Variants in PLXNA2 observed in about 807,000 individuals in gnomAD.
PLXNA2 encodes plexin A2, also known as plexin-A2.
PLXNA2 carries 91 observed loss-of-function variants against 193.5 expected under a neutral mutation model. That is an observed-to-expected ratio of 0.47 (90% CI 0.40 to 0.56). PLXNA2 has a LOEUF of 0.56. Among genes scored for constraint, PLXNA2 ranks in the 20% least tolerant of loss-of-function variants. The probability of loss-of-function intolerance (pLI) is 0.00; values close to 1 mark genes in which losing one functional copy is unlikely to be tolerated. For missense variants in PLXNA2, 1,995 were observed against 2,503.2 expected, an observed-to-expected ratio of 0.80 and a Z score of 4.33; for synonymous variants, 997 against 1,027.3, an observed-to-expected ratio of 0.97 and a Z score of 0.56.
intron 2 of PLXNA2, among the ~76,000 whole-genome samples, chr1:208,211,981 G>T (rs1490072060): frequency 6.6e-6 from 1 of 152,326 alleles, no homozygotes; most frequent in African/African-American, 2.4e-5. Context: ...TGAGTGCTCT[G>T]ACATGGCCCA....
At chr1:208,152,866 A>T (rs1048652226) in intron 3 of PLXNA2, among the ~76,000 whole-genome samples, 4 of 139,556 alleles carry the variant, frequency 2.9e-5, no homozygotes, top group Non-Finnish European at 6.1e-5. Flanking sequence ...AATTTATTCT[A>T]CCTCCTAGAT....
intron 4 of PLXNA2, among the ~76,000 whole-genome samples, chr1:208,106,739 C>T (rs1667282272): frequency 6.6e-6 from 1 of 152,096 alleles, no homozygotes; most frequent in Admixed American, 6.5e-5. Context: ...GTTCTTCTTC[C>T]TTTTTGAAAT....
intron 26 of PLXNA2, among the ~76,000 whole-genome samples, chr1:208,037,645 A>T (rs1213041827): frequency 6.6e-6 from 1 of 151,328 alleles, no homozygotes; most frequent in African/African-American, 2.4e-5. Flanking sequence ...TCTTACAGAG[A>T]CCCCCAGCTG....
intron 22 of PLXNA2, among the ~76,000 whole-genome samples, chr1:208,041,756 T>C (rs1281961097): frequency 6.6e-6 from 1 of 152,216 alleles, no homozygotes; most frequent in East Asian, 1.9e-4. Flanking sequence ...ATAGGAATTA[T>C]TTTTCTCATT....
intron 12 of PLXNA2, among the ~76,000 whole-genome samples, chr1:208,070,204 C>T (rs1361135172): frequency 6.6e-6 from 1 of 152,242 alleles, no homozygotes; most frequent in African/African-American, 2.4e-5. Context: ...CTGCAGCAGG[C>T]TTAAGATGTA....
chr1:208,077,111 C>T (rs1666174510), intron 12 of PLXNA2, among the ~76,000 whole-genome samples: 1 of 152,042 alleles, frequency 6.6e-6, no homozygotes, highest in South Asian at 2.1e-4. Flanking sequence ...ATCATGAATA[C>T]AACATTCCAG....
intron 5 of PLXNA2, among the ~76,000 whole-genome samples, chr1:208,102,789 G>A (rs1266585572): frequency 1.3e-5 from 2 of 152,184 alleles, no homozygotes; most frequent in African/African-American, 4.8e-5. Context: ...CACACTCTTG[G>A]CACAGAGGGG....
At chr1:208,165,047 C>G (rs757041929) in intron 3 of PLXNA2, among the ~76,000 whole-genome samples, 1 of 152,140 alleles carries the variant, frequency 6.6e-6, no homozygotes, top group Non-Finnish European at 1.5e-5. Flanking sequence ...TTGAATTTGC[C>G]GCAATGATTG....
chr1:208,168,129 G>T (rs980241701), intron 3 of PLXNA2, among the ~76,000 whole-genome samples: 26 of 152,174 alleles, frequency 1.7e-4, no homozygotes, highest in African/African-American at 5.8e-4. Context: ...TACTTATGTG[G>T]AAAGTAGGGA....
Position 208,204,361 on chromosome 1 carries a change from C to G in PLXNA2, c.1371+5919G>C, listed in dbSNP as rs568058807. Among the ~76,000 whole-genome samples, 89 of 152,326 alleles carry G rather than the reference C, an allele frequency of 5.8e-4. 1 individual carries two copies. The highest frequency in any genetic ancestry group is 1.1e-3 in the Non-Finnish European group (78 of 68,028). ...GCTGTCTGTACTATTCTGGGGCCCT[C>G]CAGGCAACAGTGTAAATGCTGTCCC... On this transcript the variant is annotated intron_variant, in intron 3 of 31. Coordinates refer to ENST00000367033, the MANE Select transcript of PLXNA2 (RefSeq NM_025179.4).
Position 208,044,224 on chromosome 1 carries a change from G to A in PLXNA2, c.3874+284C>T, listed in dbSNP as rs183587832. 2.9e-3 allele frequency among the ~76,000 whole-genome samples: 449 copies of A among 152,344 alleles called. 2 individuals are homozygous for A. The highest frequency in any genetic ancestry group is 5.6e-3 in the South Asian group (27 of 4,828). ...GGGACTCTGACTGTGGGGACATTGA[G>A]GCCCTGAGAGGGAGAAAGTGTTTGC... On this transcript the variant is annotated intron_variant, in intron 20 of 31. Transcript: ENST00000367033. The surrounding 1 kb of genome is among the most constrained non-coding windows in gnomAD (Gnocchi z 4.9).
At chr1:208,068,828 T>G (rs1394126353) in intron 12 of PLXNA2, among the ~76,000 whole-genome samples, 1 of 152,238 alleles carries the variant, frequency 6.6e-6, no homozygotes, top group Non-Finnish European at 1.5e-5. Flanking sequence ...TGTTCCCTCC[T>G]CCCTTTCTGT....
intron 3 of PLXNA2, among the ~76,000 whole-genome samples, chr1:208,180,913 G>C (rs368953627): frequency 4.2e-4 from 64 of 152,378 alleles, no homozygotes; most frequent in African/African-American, 1.4e-3. Context: ...GCCATGTCAA[G>C]CTTCTGGGGT....
At chr1:208,201,217 C>T (rs1052832804) in intron 3 of PLXNA2, among the ~76,000 whole-genome samples, 3 of 152,188 alleles carry the variant, frequency 2.0e-5, no homozygotes, top group East Asian at 1.9e-4. Flanking sequence ...CATAATTCAT[C>T]GAAGGCAGAG....
chr1:208,135,785 A>G (rs1336127459), intron 4 of PLXNA2, among the ~76,000 whole-genome samples: 1 of 152,120 alleles, frequency 6.6e-6, no homozygotes, highest in Non-Finnish European at 1.5e-5. Flanking sequence ...CTGTGATTCC[A>G]TGACCTTGGT....
rs191299941 is a variant in PLXNA2 at position 208,087,118 on chromosome 1, T to A, written c.2098-2538A>T. Among the ~76,000 whole-genome samples the A allele has an allele frequency of 2.9e-3, 448 of 152,084 alleles. 2 individuals are homozygous for A. Among genetic ancestry groups the A allele is most frequent in the Non-Finnish European group, 5.3e-3 (363 of 67,982 alleles). ...ACGAGCAGTTGTTTTTCATCTCTAA[T>A]GAGCTTAGACAACAAATTCAAATTT... On this transcript the variant is annotated intron_variant, in intron 9 of 31. Coordinates refer to ENST00000367033, the MANE Select transcript of PLXNA2 (RefSeq NM_025179.4).
chr1:208,219,953 G>A (rs1671269192), intron 1 of PLXNA2, among the ~76,000 whole-genome samples: 1 of 152,214 alleles, frequency 6.6e-6, no homozygotes, highest in Admixed American at 6.5e-5. Flanking sequence ...GCCGGTAGCA[G>A]GACGTGAATT....
At chr1:208,055,226 C>T (rs377079589) in intron 13 of PLXNA2, among the ~76,000 whole-genome samples, 5 of 152,176 alleles carry the variant, frequency 3.3e-5, no homozygotes, top group South Asian at 2.1e-4. Context: ...CGGCCCTGAG[C>T]GAAAGTCACG....
intron 8 of PLXNA2, among the ~76,000 whole-genome samples, chr1:208,095,769 A>G (rs1208986848): frequency 1.3e-5 from 2 of 152,108 alleles, no homozygotes; most frequent in Non-Finnish European, 2.9e-5. Context: ...TCTTTTTACT[A>G]TCTTGGCCTG....
Sources: gnomAD v4.1 joint callset for allele counts (sites outside exome capture counted in the v4.1 genomes callset) on GRCh38, gnomAD v4.1.1 for gene constraint, Gnocchi (gnomAD v3.1) non-coding constraint, MANE v1.5 for transcripts, NCBI Gene and HGNC (gene_info 2026-07-23, HGNC 2026-07-21) for gene names.